Variants in SWT1 observed in about 807,000 individuals in gnomAD.
SWT1 encodes the protein transcriptional protein SWT1.
SWT1 carries 33 observed loss-of-function variants against 107.3 expected under a neutral mutation model. That is an observed-to-expected ratio of 0.31 (90% confidence interval 0.23 to 0.41). SWT1 has a LOEUF of 0.41. Among genes scored for constraint, SWT1 ranks in the 10% least tolerant of loss-of-function variants. The probability of loss-of-function intolerance (pLI) is 1.00; values close to 1 mark genes in which losing one functional copy is unlikely to be tolerated. For synonymous variants in SWT1, 345 were observed against 348.3 expected, an observed-to-expected ratio of 0.99 and a Z score of 0.11; for missense variants, 898 against 1,028.9, an observed-to-expected ratio of 0.87 and a Z score of 1.74.
chr1:185,222,063 T>C, intron 15 of SWT1, 27 bp downstream of exon 15: 1 of 1,409,964 alleles, frequency 7.1e-7, no homozygotes, highest in Non-Finnish European at 9.5e-7. Flanking sequence ...AATTTTTTTT[T>C]AGTTATTTTT....
chr1:185,256,418 C>T (rs1306535448), intron 16 of SWT1, among the ~76,000 whole-genome samples: 1 of 151,232 alleles, frequency 6.6e-6, no homozygotes, highest in Non-Finnish European at 1.5e-5. Context: ...TCAGGTACAC[C>T]AATCAGACGT....
At chr1:185,253,562 A>G (rs1662226215) in intron 16 of SWT1, among the ~76,000 whole-genome samples, 2 of 149,596 alleles carry the variant, frequency 1.3e-5, no homozygotes, top group South Asian at 4.2e-4. Flanking sequence ...ATGGGAGTTC[A>G]CTCATGATTT....
At chr1:185,265,784 A>G (rs1412568236) in intron 16 of SWT1, among the ~76,000 whole-genome samples, 1 of 152,230 alleles carries the variant, frequency 6.6e-6, no homozygotes, top group Non-Finnish European at 1.5e-5. Flanking sequence ...GTTATCCTCA[A>G]TAACAATGTA....
At chr1:185,271,929 G>A (rs758323630) in intron 17 of SWT1, among the ~76,000 whole-genome samples, 10 of 152,148 alleles carry the variant, frequency 6.6e-5, no homozygotes, top group Non-Finnish European at 1.3e-4. Context: ...TCCTCAGTGC[G>A]AAATTGTTTC....
rs56355331 is a variant in SWT1 at position 185,270,302 on chromosome 1, T to C, written c.2442-1021T>C. Reference sequence around the variant, plus strand: ...TTTACTTTCCTTTTTTTTTTTTTTTTCCAAAAGAAAAACAGTATTCATGCT... The same window carrying C: ...TTTACTTTCCTTTTTTTTTTTTTTTCCCAAAAGAAAAACAGTATTCATGCT... On this transcript the variant is annotated intron_variant, in intron 16 of 18. Coordinates refer to ENST00000367500, the MANE Select transcript of SWT1 (RefSeq NM_017673.7). Among the ~76,000 whole-genome samples, 1,375 of 146,118 alleles carry C rather than the reference T, an allele frequency of 9.4e-3. 14 individuals are homozygous for C. The highest frequency in any genetic ancestry group is 0.032 in the Middle Eastern group (9 of 280).
intron 2 of SWT1, among the ~76,000 whole-genome samples, chr1:185,163,496 C>G (rs1297196283): frequency 6.6e-6 from 1 of 150,730 alleles, no homozygotes. Flanking sequence ...TGGGTTCAGG[C>G]GATTTTCTTG....
chr1:185,275,158 T>G (rs1664152270), intron 17 of SWT1, among the ~76,000 whole-genome samples: 1 of 152,088 alleles, frequency 6.6e-6, no homozygotes, highest in Non-Finnish European at 1.5e-5. Context: ...CTGATTTTTC[T>G]CAATAGTTGT....
intron 16 of SWT1, among the ~76,000 whole-genome samples, chr1:185,241,922 T>A (rs2102611018): frequency 6.6e-6 from 1 of 152,312 alleles, no homozygotes; most frequent in South Asian, 2.1e-4. Context: ...AAGGCATTTA[T>A]GTCTGGAGCA....
intron 17 of SWT1, among the ~76,000 whole-genome samples, chr1:185,274,682 G>A (rs1293649006): frequency 2.6e-5 from 4 of 152,106 alleles, no homozygotes; most frequent in Admixed American, 2.0e-4. Context: ...CAGCTAAAAG[G>A]TAATGATACC....
intron 13 of SWT1, among the ~76,000 whole-genome samples, chr1:185,211,665 A>G (rs1052772814): frequency 1.3e-5 from 2 of 152,228 alleles, no homozygotes; most frequent in Non-Finnish European, 2.9e-5. Context: ...TCAGGGTTCT[A>G]GAACTAGAAA....
chr1:185,185,808 G>T (rs1011270727), intron 9 of SWT1, among the ~76,000 whole-genome samples: 10 of 152,016 alleles, frequency 6.6e-5, no homozygotes, highest in Admixed American at 2.0e-4. Flanking sequence ...AAGAAAAAGG[G>T]TCTCTACCAT....
chr1:185,160,856 A>G lies in SWT1; in HGVS notation c.15A>G (p.Glu5=), dbSNP rs1308509339. The G allele has an allele frequency of 1.2e-6, 2 of 1,612,836 alleles. No individual in the cohort carries two copies. The highest frequency in any genetic ancestry group is 1.7e-6 in the Non-Finnish European group (2 of 1,179,498). MSSK[E]SCGKKETSQR... is the part of the protein sequence containing the mutation. ...AGCTTTTCAGGATGTCCAGCAAAGAATCCTGTGGGAAAAAAGAGACATCTC... is the reference window on the plus strand; with the variant it reads ...AGCTTTTCAGGATGTCCAGCAAAGAGTCCTGTGGGAAAAAAGAGACATCTC... Residue 5 remains glutamate (E), a synonymous_variant, in exon 2 of 19, where the codon GAA becomes GAG. Transcript: ENST00000367500.
In SWT1 at chr1:185,184,941, G is replaced by A; in HGVS notation, c.1429+10G>A. ...GCATCCCAAAAACATTGTAAGTATT[G>A]TTCTCTCAGAGTGCCTCCTGATTAA... On this transcript the variant is annotated intron_variant, in intron 9 of 18. Coordinates refer to ENST00000367500, the MANE Select transcript of SWT1 (RefSeq NM_017673.7). The A allele has an allele frequency of 6.9e-7, 1 of 1,444,402 alleles. No individual in the cohort carries two copies. The highest frequency in any genetic ancestry group is 9.1e-7 in the Non-Finnish European group (1 of 1,095,842). 89.5% of individuals were successfully genotyped at this position (1,444,402 alleles called of 1,614,324 possible). A position where few individuals can be genotyped will look rare whatever the true frequency, so the allele number is the denominator to read the frequency against.
chr1:185,215,383 A>G lies in SWT1; in HGVS notation c.2121+728A>G, dbSNP rs75810686. On this transcript the variant is annotated intron_variant, in intron 14 of 18. Coordinates refer to ENST00000367500, the MANE Select transcript of SWT1 (RefSeq NM_017673.7). ...AATAGGGATATCCTATGTAACTACA[A>G]TATAATTAATCATGAAATTAACATT... Among the ~76,000 whole-genome samples, 886 of 152,266 alleles carry G rather than the reference A, an allele frequency of 5.8e-3. 33 individuals carry two copies. The East Asian group carries it at 0.094, about 16-fold the overall frequency.
At chr1:185,274,795 G>A (rs1400380439) in intron 17 of SWT1, among the ~76,000 whole-genome samples, 5 of 152,122 alleles carry the variant, frequency 3.3e-5, no homozygotes, top group Non-Finnish European at 5.9e-5. Context: ...ATTTAAGCAT[G>A]GAGATGATAT....
At chr1:185,222,562 G>T (rs1473379671) in intron 15 of SWT1, among the ~76,000 whole-genome samples, 1 of 151,766 alleles carries the variant, frequency 6.6e-6, no homozygotes, top group East Asian at 1.9e-4. Context: ...TTTGAAACCA[G>T]CCTGGCCAAC....
chr1:185,190,725 AAG>A, intron 10 of SWT1, 83 bp downstream of exon 10: 1 of 792,294 alleles, frequency 1.3e-6, no homozygotes, highest in Non-Finnish European at 2.0e-6. Context: ...CCAGCATACC[AAG>A]GATCAAAAAC....
At chr1:185,286,293 G>A (rs902608721) in intron 18 of SWT1, among the ~76,000 whole-genome samples, 5 of 152,000 alleles carry the variant, frequency 3.3e-5, no homozygotes, top group Admixed American at 6.6e-5. Context: ...GCGCGATCTC[G>A]GCTCACTGCA....
intron 15 of SWT1, chr1:185,226,664 T>A (rs1660081041): frequency 2.4e-6 from 1 of 419,306 alleles, no homozygotes; most frequent in Non-Finnish European, 4.1e-6. Flanking sequence ...TACTACTGAT[T>A]CAAATTAAAA....
Sources: gnomAD v4.1 joint callset for allele counts (sites outside exome capture counted in the v4.1 genomes callset) on GRCh38, gnomAD v4.1.1 for gene constraint, MANE v1.5 for transcripts, NCBI Gene and HGNC (gene_info 2026-07-23, HGNC 2026-07-21) for gene names.